The following NFIB variants were observed in gnomAD, a reference collection of about 807,000 sequenced individuals.
NFIB encodes nuclear factor I B, also known as nuclear factor 1 B-type.
Under a neutral mutation model 61.5 loss-of-function variants are expected in NFIB, and 11 were observed. The observed-to-expected ratio is 0.18, with a 90% CI of 0.11 to 0.30. The LOEUF is 0.30. NFIB is among the 10% of genes least tolerant of loss of function. The probability of loss-of-function intolerance (pLI) is 1.00; values close to 1 mark genes in which losing one functional copy is unlikely to be tolerated. For missense variants in NFIB, 471 were observed against 608.9 expected (o/e 0.77, Z 2.38); for synonymous variants, 260 against 216.5 (o/e 1.20, Z -1.76).
chr9:14,517,961 C>T, the NFIB span, among the ~76,000 whole-genome samples: 4 of 152,184 alleles, frequency 2.6e-5, no homozygotes, highest in African/African-American at 9.7e-5. Flanking sequence ...TCAGGCAATA[C>T]TGCAGCAACA....
chr9:14,528,641 C>A, the NFIB span, among the ~76,000 whole-genome samples: 1 of 152,056 alleles, frequency 6.6e-6, no homozygotes, highest in African/African-American at 2.4e-5. Context: ...CTGATGGGAT[C>A]AAATGATTAG....
At chr9:14,202,948 A>C (rs2049216309) in intron 2 of NFIB, among the ~76,000 whole-genome samples, 1 of 152,248 alleles carries the variant, frequency 6.6e-6, no homozygotes, top group African/African-American at 2.4e-5. Flanking sequence ...ACTCCATAAG[A>C]ATAATTATCA....
the NFIB span, among the ~76,000 whole-genome samples, chr9:14,485,009 A>AG: frequency 6.6e-6 from 1 of 152,066 alleles, no homozygotes; most frequent in South Asian, 2.1e-4. Flanking sequence ...AGAGAGAGAG[A>AG]AAGAGAGAGA....
At chr9:14,481,910 A>G in the NFIB span, among the ~76,000 whole-genome samples, 2 of 151,578 alleles carry the variant, frequency 1.3e-5, no homozygotes, top group Non-Finnish European at 2.9e-5. Flanking sequence ...CCCTCACTCC[A>G]TTCCCTGCAT....
intron 3 of NFIB, among the ~76,000 whole-genome samples, chr9:14,167,915 G>A (rs1289277118): frequency 6.6e-6 from 1 of 152,192 alleles, no homozygotes; most frequent in Non-Finnish European, 1.5e-5. Flanking sequence ...TGGGAGAAGA[G>A]AAACTCTATC....
At chr9:14,521,367 T>C in the NFIB span, among the ~76,000 whole-genome samples, 3 of 152,204 alleles carry the variant, frequency 2.0e-5, no homozygotes, top group South Asian at 6.2e-4. Context: ...AGTCCTTTGA[T>C]GTCTTTGGTT....
chr9:14,299,269 T>C (rs1166607763), intron 2 of NFIB, among the ~76,000 whole-genome samples: 1 of 152,150 alleles, frequency 6.6e-6, no homozygotes, highest in African/African-American at 2.4e-5. Context: ...TCAAAATGAG[T>C]ATGAAAAATC....
At chr9:14,495,145 GTT>G in the NFIB span, among the ~76,000 whole-genome samples, 1 of 152,142 alleles carries the variant, frequency 6.6e-6, no homozygotes, top group African/African-American at 2.4e-5. Flanking sequence ...CAGCGTTCCT[GTT>G]TACATCCCTC....
At chr9:14,319,496 TCA>T (rs533768982) in intron 1 of NFIB, among the ~76,000 whole-genome samples, 137 of 152,370 alleles carry the variant, frequency 9.0e-4, no homozygotes, top group African/African-American at 2.9e-3. Context: ...ATATACTCTC[TCA>T]CACAGTGTCT....
At chr9:14,230,726 G>A (rs927347335) in intron 2 of NFIB, among the ~76,000 whole-genome samples, 3 of 152,170 alleles carry the variant, frequency 2.0e-5, no homozygotes, top group African/African-American at 7.2e-5. Flanking sequence ...CAAATTTAAA[G>A]AGGAAGCAGG....
rs556058834 is a variant in NFIB at position 14,301,555 on chromosome 9, A to G, written c.562+5434T>C. Among the ~76,000 whole-genome samples, 7 of 152,250 alleles carry G rather than the reference A, an allele frequency of 4.6e-5. No individual in the cohort carries two copies. The South Asian group carries it at 1.5e-3, about 32-fold the overall frequency. On this transcript the variant is annotated intron_variant, in intron 2 of 10. Transcript: ENST00000380953. ...GAAAATCATAATTGATGTAACAAAT[A>G]AGCGTCCCATCCCTCCCTCCCTCTC...
chr9:14,314,466 C>G (rs1235712413), upstream of NFIB: 1 of 152,138 alleles, frequency 6.6e-6, no homozygotes, highest in African/African-American at 2.4e-5. Flanking sequence ...CGCTCGGCTC[C>G]AAACTCCTCT....
intron 5 of NFIB, among the ~76,000 whole-genome samples, chr9:14,149,900 A>G (rs535306032): frequency 1.3e-5 from 2 of 152,290 alleles, no homozygotes; most frequent in African/African-American, 2.4e-5. Context: ...GACAAAAGTC[A>G]TATTAATATA....
chr9:14,520,015 T>A, the NFIB span, among the ~76,000 whole-genome samples: 1 of 152,182 alleles, frequency 6.6e-6, no homozygotes, highest in Non-Finnish European at 1.5e-5. Context: ...AAATTCAGAT[T>A]GGTGAAAATA....
At chr9:14,514,323 TACATACACAC>T in the NFIB span, among the ~76,000 whole-genome samples, 3 of 147,330 alleles carry the variant, frequency 2.0e-5, no homozygotes, top group African/African-American at 7.5e-5. Flanking sequence ...CATACATACA[TACATACACAC>T]ACACACACAC....
chr9:14,157,462 A>T (rs1157557342), intron 3 of NFIB, among the ~76,000 whole-genome samples: 1 of 152,220 alleles, frequency 6.6e-6, no homozygotes, highest in East Asian at 1.9e-4. Flanking sequence ...GTAAGATCTC[A>T]GTAGGGAATA....
At chr9:14,474,059 T>C in the NFIB span, among the ~76,000 whole-genome samples, 1 of 152,234 alleles carries the variant, frequency 6.6e-6, no homozygotes, top group East Asian at 1.9e-4. Flanking sequence ...TTATCAGACA[T>C]ATGCTGAATA....
At chr9:14,509,174 C>T in the NFIB span, among the ~76,000 whole-genome samples, 1 of 152,190 alleles carries the variant, frequency 6.6e-6, no homozygotes, top group Non-Finnish European at 1.5e-5. Flanking sequence ...AATCCCTACC[C>T]TTGTAGAGCT....
the NFIB span, among the ~76,000 whole-genome samples, chr9:14,497,925 A>G: frequency 2.0e-5 from 3 of 152,226 alleles, no homozygotes; most frequent in East Asian, 1.9e-4. Context: ...AGTCAAGTTC[A>G]GAGATGGAGG....
Sources: allele counts gnomAD v4.1 joint callset (sites outside exome capture counted in the v4.1 genomes callset), GRCh38; gene constraint gnomAD v4.1.1; transcripts MANE v1.5; gene names NCBI Gene and HGNC (gene_info 2026-07-23, HGNC 2026-07-21).